Variants in TMEM63A observed in about 807,000 individuals in gnomAD.
TMEM63A encodes mechanosensitive cation channel TMEM63A.
Under a neutral mutation model 100.6 loss-of-function variants are expected in TMEM63A, and 76 were observed. The ratio of observed to expected loss-of-function variants is 0.76; its 90% CI spans 0.63 to 0.91. The LOEUF is 0.91. Among genes scored for constraint, TMEM63A ranks in the 40% least tolerant of loss-of-function variants. The pLI is 0.00. For missense variants in TMEM63A, 876 were observed against 1,008.8 expected (o/e 0.87, Z 1.78); for synonymous variants, 401 against 401.1 (o/e 1.00, Z 0.00).
intron 2 of TMEM63A, among the ~76,000 whole-genome samples, chr1:225,878,283 G>A (rs1328444557): frequency 6.6e-6 from 1 of 152,198 alleles, no homozygotes; most frequent in Non-Finnish European, 1.5e-5. Context: ...ACTCTCAGAT[G>A]CCACTTCTCT....
chr1:225,848,834 G>T, intron 22 of TMEM63A, 63 bp downstream of exon 22: 1 of 1,327,214 alleles, frequency 7.5e-7, no homozygotes, highest in Non-Finnish European at 1.1e-6. Context: ...GGTTGACAGC[G>T]AGCCCGTCCC....
intron 14 of TMEM63A, chr1:225,859,668 CAG>C (rs1177691548): frequency 9.9e-6 from 3 of 301,856 alleles, no homozygotes; most frequent in Non-Finnish European, 1.2e-5. Context: ...TTTTTGGAGA[CAG>C]AGTCTTGCTC....
chr1:225,865,846 G>A lies in TMEM63A; in HGVS notation c.746+51C>T. ...GTGCTCGCCCTGCGGGTGGGGCTGT[G>A]TTGGTCCTACGTGGAGGGGGCTCAG... On this transcript the variant is annotated intron_variant, in intron 10 of 24. Transcript: ENST00000366835. This position sits in a 1 kb window ranked among gnomAD's most constrained non-coding sequence, Gnocchi z 4.6. 6.3e-7 allele frequency: 1 copy of A among 1,597,984 alleles called. No homozygotes were observed. The highest frequency in any genetic ancestry group is 8.6e-7 in the Non-Finnish European group (1 of 1,168,004).
Position 225,862,540 on chromosome 1 carries a change from A to G in TMEM63A, c.866T>C (p.Leu289Pro), listed in dbSNP as rs1044934286. Residue 289 changes from leucine (L) to proline (P), a missense_variant, in exon 12 of 25, where the codon CTG (leucine) becomes CCG (proline). This residue lies in a region of TMEM63A where 487 missense variants were observed against 581.9 expected (regional missense o/e 0.84). Coordinates refer to ENST00000366835, the MANE Select transcript of TMEM63A (RefSeq NM_014698.3). This position sits in a 1 kb window ranked among gnomAD's most constrained non-coding sequence, Gnocchi z 5.1. ...GGTCCGCTGGCCTGTCTTCACCTGCAGGTTTGTGTAATAGGTCAGGCTCTT... is the reference window on the plus strand; with the variant it reads ...GGTCCGCTGGCCTGTCTTCACCTGCGGGTTTGTGTAATAGGTCAGGCTCTT... ...TEKSLTYYTNLQVKTGQRTLI... is the reference protein window; with the variant it reads ...TEKSLTYYTNPQVKTGQRTLI... 6.2e-7 allele frequency: 1 copy of G among 1,614,036 alleles called. No individual in the cohort carries two copies. The highest frequency in any genetic ancestry group is 1.3e-5 in the African/African-American group (1 of 75,030).
In TMEM63A at chr1:225,847,224, A is replaced by T; in HGVS notation, c.2251-11T>A. 2 of 1,611,662 alleles carry T rather than the reference A, an allele frequency of 1.2e-6. No homozygotes were observed. On this transcript the variant is annotated splice_polypyrimidine_tract_variant and intron_variant, in intron 23 of 24. Transcript: ENST00000366835. ...CCGAGGCACGTAGGGCTGTCAGCAAATGGATTTGTGCTTGGCCTGGACAGG... is the reference window on the plus strand; with the variant it reads ...CCGAGGCACGTAGGGCTGTCAGCAATTGGATTTGTGCTTGGCCTGGACAGG...
Position 225,856,985 on chromosome 1 carries a change from G to T in TMEM63A, c.1410C>A (p.Leu470=), listed in dbSNP as rs538841191. 4 of 1,590,776 alleles carry T rather than the reference G, an allele frequency of 2.5e-6. No homozygotes were observed. The African/African-American group carries it at 5.4e-5, about 22-fold the overall frequency. The change falls in exon 16 of 25, where the codon CTC becomes CTA. Residue 470 remains leucine (L), a synonymous_variant. Transcript: ENST00000366835. The part of the protein sequence containing the change: ...NPIISQFFPT[L]LLWSFSALLP... Reference sequence around the variant, plus strand: ...GCAGGGCCGAGAAGGACCAGAGCAGGAGGGTGGGGAAGAACTGGCTGATGA... The same window carrying T: ...GCAGGGCCGAGAAGGACCAGAGCAGTAGGGTGGGGAAGAACTGGCTGATGA...
intron 4 of TMEM63A, among the ~76,000 whole-genome samples, chr1:225,872,829 G>T (rs1361745898): frequency 6.6e-6 from 1 of 151,662 alleles, no homozygotes; most frequent in African/African-American, 2.4e-5. Context: ...GAGTAGCTGG[G>T]CTTACAGGCA....
intron 3 of TMEM63A, among the ~76,000 whole-genome samples, chr1:225,874,641 A>C (rs1482743071): frequency 6.6e-6 from 1 of 152,222 alleles, no homozygotes; most frequent in Non-Finnish European, 1.5e-5. Flanking sequence ...CTAGTTCTGC[A>C]CGTCAGCCCT....
intron 6 of TMEM63A, among the ~76,000 whole-genome samples, chr1:225,870,220 C>A (rs1670437358): frequency 6.6e-6 from 1 of 151,982 alleles, no homozygotes. Context: ...GGCATGGTGG[C>A]GCATGCCTGT....
Position 225,867,204 on chromosome 1 carries a change from G to A in TMEM63A, c.515-41C>T. On this transcript the variant is annotated intron_variant, in intron 7 of 24. Transcript: ENST00000366835. The surrounding 1 kb of genome is among the most constrained non-coding windows in gnomAD (Gnocchi z 4.6). ...GATACTTAGTTCCAGGGTCATGTGG[G>A]GAAGCAGGAGGGGGCGTAACCAATC... is the stretch of plus-strand genomic sequence containing the variant. 6.2e-7 allele frequency: 1 copy of A among 1,606,426 alleles called. No individual in the cohort carries two copies. Among genetic ancestry groups the A allele is most frequent in the Non-Finnish European group, 8.5e-7 (1 of 1,172,988 alleles).
chr1:225,870,679 A>C (rs985215179), intron 6 of TMEM63A, among the ~76,000 whole-genome samples: 6 of 152,256 alleles, frequency 3.9e-5, no homozygotes, highest in African/African-American at 1.4e-4. Context: ...AAGTTGAATA[A>C]TTAAAGCAAA....
intron 1 of TMEM63A, among the ~76,000 whole-genome samples, chr1:225,880,578 C>T (rs1671040365): frequency 6.6e-6 from 1 of 152,192 alleles, no homozygotes; most frequent in Non-Finnish European, 1.5e-5. Flanking sequence ...ATGCCTAGCA[C>T]TTACCTGTGC....
intron 18 of TMEM63A, among the ~76,000 whole-genome samples, chr1:225,854,715 T>A (rs1472415761): frequency 6.6e-6 from 1 of 152,162 alleles, no homozygotes; most frequent in Non-Finnish European, 1.5e-5. Context: ...GGCATAAATG[T>A]GGATGTTGTC....
chr1:225,849,658 C>A (rs183646585), intron 21 of TMEM63A, among the ~76,000 whole-genome samples: 1 of 152,240 alleles, frequency 6.6e-6, no homozygotes, highest in Admixed American at 6.5e-5. Flanking sequence ...ACCAGCCCCT[C>A]ACCCTGGGTA....
chr1:225,857,960 T>A (rs542285222), intron 15 of TMEM63A, among the ~76,000 whole-genome samples: 117 of 152,318 alleles, frequency 7.7e-4, no homozygotes, highest in African/African-American at 2.7e-3. Context: ...AGATAAGAGC[T>A]TCAACCACAC....
At chr1:225,842,568 G>A (rs1200355468), downstream of TMEM63A, 1 of 908,652 alleles carries the variant, frequency 1.1e-6, no homozygotes, top group Non-Finnish European at 1.8e-6. Flanking sequence ...CTCTGCATGG[G>A]GCACTCAGCA....
In TMEM63A at chr1:225,852,756, T is replaced by C. The variant is rs776139628; in HGVS notation, c.1811A>G (p.Gln604Arg). 6 of 1,614,050 alleles carry C rather than the reference T, an allele frequency of 3.7e-6. No homozygotes were observed. The highest frequency in any genetic ancestry group is 5.1e-6 in the Non-Finnish European group (6 of 1,180,002). ...RRNVKQNQAF[Q>R]YEFGAMYAWM... is the part of the protein sequence containing the mutation. ...TGCATACATGGCTCCAAACTCGTAC[T>C]GGAAGGCCTGGTTCTGGGAGGAGGA... The change falls in exon 20 of 25, where the codon CAG (glutamine) becomes CGG (arginine). Residue 604 changes from glutamine (Q) to arginine (R), a missense_variant. By Grantham distance (43) the Gln-to-Arg change is conservative (BLOSUM62 1). Transcript: ENST00000366835.
chr1:225,853,523 A>C lies in TMEM63A; in HGVS notation c.1797+106T>G. On this transcript the variant is annotated intron_variant, in intron 19 of 24. Coordinates refer to ENST00000366835, the MANE Select transcript of TMEM63A (RefSeq NM_014698.3). The surrounding 1 kb of genome is among the most constrained non-coding windows in gnomAD (Gnocchi z 4.0). ...TGCCTGCACTAGTGGGTAGTCAGGT[A>C]AATGCTACCCACTAGTGGGGGTAGT... 1.7e-6 allele frequency: 2 copies of C among 1,143,456 alleles called. No homozygotes were observed. Among genetic ancestry groups the C allele is most frequent in the Non-Finnish European group, 2.4e-6 (2 of 837,324 alleles). 70.8% of individuals were successfully genotyped at this position (1,143,456 alleles called of 1,614,324 possible). A position where few individuals can be genotyped will look rare whatever the true frequency, so the allele number is the denominator to read the frequency against.
chr1:225,854,591 AG>A (rs1401534407), intron 18 of TMEM63A, among the ~76,000 whole-genome samples: 1 of 152,196 alleles, frequency 6.6e-6, no homozygotes, highest in Non-Finnish European at 1.5e-5. Context: ...AGCAGATTTG[AG>A]GGTAAAAGTC....
Sources: gnomAD v4.1 joint callset for allele counts (sites outside exome capture counted in the v4.1 genomes callset) on GRCh38, gnomAD v4.1.1 for gene constraint, gnomAD v4.1.1 regional missense constraint, Gnocchi (gnomAD v3.1) non-coding constraint, MANE v1.5 for transcripts, NCBI Gene and HGNC (gene_info 2026-07-23, HGNC 2026-07-21) for gene names.